The following BTAF1 variants were observed in gnomAD, a reference collection of about 807,000 sequenced individuals.
The protein encoded by BTAF1 is B-TFIID TATA-box binding protein associated factor 1.
Under a neutral mutation model 227.1 loss-of-function variants are expected in BTAF1, and 38 were observed. The ratio of observed to expected loss-of-function variants is 0.17; its 90% CI spans 0.13 to 0.22. BTAF1 has a LOEUF of 0.22. BTAF1 is among the 10% of genes least tolerant of loss of function. BTAF1 has a pLI of 1.00. For synonymous variants in BTAF1, 742 were observed against 751.9 expected (o/e 0.99, Z 0.21); for missense variants, 1,598 against 2,204.0 (o/e 0.73, Z 5.51).
intron 1 of BTAF1, among the ~76,000 whole-genome samples, chr10:91,928,802 A>G (rs1844059411): frequency 8.4e-6 from 1 of 119,186 alleles, no homozygotes; most frequent in African/African-American, 3.3e-5. Context: ...CCTGAGATGG[A>G]TTTCTTTGGC....
chr10:91,991,271 A>ATATGTATATATATATAT (rs1564699914), intron 20 of BTAF1, among the ~76,000 whole-genome samples: 7 of 66,228 alleles, frequency 1.1e-4, no homozygotes, highest in Admixed American at 2.2e-4. Context: ...TATAAATATA[A>ATATGTATATATATATAT]ATATATATAT....
chr10:91,977,570 C>CT (rs961430222), intron 14 of BTAF1, among the ~76,000 whole-genome samples: 6 of 152,194 alleles, frequency 3.9e-5, no homozygotes, highest in African/African-American at 1.4e-4. Flanking sequence ...TTTGTGTGGA[C>CT]TTTTTTGCCT....
At chr10:91,957,096 TA>T (rs751329079) in intron 7 of BTAF1, 128 bp from the exon 8 acceptor site, 8 of 579,092 alleles carry the variant, frequency 1.4e-5, no homozygotes, top group Admixed American at 3.1e-5. Context: ...CTTAATTAGT[TA>T]AAAAAATTAA....
Position 91,996,420 on chromosome 10 carries a change from G to T in BTAF1, c.3361G>T (p.Ala1121Ser). ...TATGTGCCTTCAATACCCCAGTACT[G>T]CAGTGAGGCACATGGCTGCTCGTTG... ...LYMCLQYPST[A>S]VRHMAARCVG... The change falls in exon 24 of 38, where the codon GCA (alanine) becomes TCA (serine). Residue 1121 changes from alanine (A) to serine (S), a missense_variant. Physicochemically the swap from Ala to Ser is moderately conservative, Grantham distance 99. This residue lies in a region of BTAF1 where 425 missense variants were observed against 491.2 expected (regional missense o/e 0.87). Coordinates refer to ENST00000265990, the MANE Select transcript of BTAF1 (RefSeq NM_003972.3). 1.2e-6 allele frequency: 2 copies of T among 1,614,112 alleles called. No individual in the cohort carries two copies. The highest frequency in any genetic ancestry group is 1.7e-6 in the Non-Finnish European group (2 of 1,180,030).
Position 91,992,102 on chromosome 10 carries a change from A to G in BTAF1, c.2855-17A>G, listed in dbSNP as rs371469711. On this transcript the variant is annotated splice_polypyrimidine_tract_variant and intron_variant, in intron 20 of 37. Coordinates refer to ENST00000265990, the MANE Select transcript of BTAF1 (RefSeq NM_003972.3). ...CAATATTATGATTAAAAGGTTGTTT[A>G]ACTTTTTTCTTATTAGGATCCACCT... 55 of 1,541,142 alleles carry G rather than the reference A, an allele frequency of 3.6e-5. No individual in the cohort carries two copies. The South Asian group carries it at 4.1e-4, about 12-fold the overall frequency.
chr10:91,977,109 A>G (rs1442185772), intron 14 of BTAF1, among the ~76,000 whole-genome samples: 2 of 152,160 alleles, frequency 1.3e-5, no homozygotes, highest in African/African-American at 4.8e-5. Flanking sequence ...AGAGAGCAGA[A>G]TGGCACTAAA....
At chr10:91,931,223 T>C (rs1844256171) in intron 1 of BTAF1, among the ~76,000 whole-genome samples, 2 of 152,350 alleles carry the variant, frequency 1.3e-5, no homozygotes, top group African/African-American at 4.8e-5. Flanking sequence ...TTTAGAACAG[T>C]TGCCTGAAAT....
intron 4 of BTAF1, among the ~76,000 whole-genome samples, 166 bp from the exon 5 acceptor site, chr10:91,951,237 T>C (rs1392553160): frequency 1.3e-5 from 2 of 152,206 alleles, no homozygotes; most frequent in Non-Finnish European, 2.9e-5. Flanking sequence ...TATTTTCCAA[T>C]GTGATTAGGT....
At chr10:91,979,266 G>A (rs1413364983) in intron 14 of BTAF1, among the ~76,000 whole-genome samples, 2 of 152,134 alleles carry the variant, frequency 1.3e-5, no homozygotes, top group Non-Finnish European at 2.9e-5. Flanking sequence ...CTTGTGAATA[G>A]TGTTGCAGTG....
intron 1 of BTAF1, among the ~76,000 whole-genome samples, chr10:91,927,141 ATT>A (rs60927634): frequency 7.4e-4 from 106 of 143,640 alleles, no homozygotes; most frequent in Admixed American, 5.5e-4. Flanking sequence ...TTTTTGTTTG[ATT>A]TTTTTTTTTT....
chr10:91,950,657 A>G (rs530332362), intron 4 of BTAF1, among the ~76,000 whole-genome samples: 3 of 152,080 alleles, frequency 2.0e-5, no homozygotes, highest in Non-Finnish European at 2.9e-5. Context: ...ATTATTTGGG[A>G]TATTAGGGCT....
intron 34 of BTAF1, among the ~76,000 whole-genome samples, chr10:92,021,746 G>A (rs143514527): frequency 0.014 from 2,061 of 151,894 alleles, 32 homozygotes; most frequent in African/African-American, 0.047. Flanking sequence ...GGGTTTCACC[G>A]TGTTAGCCAG....
chr10:92,016,218 A>G (rs1564720157), intron 32 of BTAF1, 122 bp from the exon 33 acceptor site: 4 of 1,175,304 alleles, frequency 3.4e-6, no homozygotes, highest in East Asian at 5.4e-5. Context: ...AGATATCACA[A>G]TTTGTTTTCA....
At chr10:91,936,112 C>T (rs1645937055) in intron 2 of BTAF1, among the ~76,000 whole-genome samples, 1 of 152,072 alleles carries the variant, frequency 6.6e-6, no homozygotes, top group Non-Finnish European at 1.5e-5. Context: ...TGGATGAGTA[C>T]TCATGGGCAA....
intron 4 of BTAF1, among the ~76,000 whole-genome samples, chr10:91,947,735 CA>C (rs34292341): frequency 1.8e-3 from 190 of 107,336 alleles, no homozygotes; most frequent in African/African-American, 5.8e-3. Flanking sequence ...TCAATGTTTG[CA>C]AAAAAAAAAA....
At chr10:91,968,684 T>G (rs879699925) in intron 14 of BTAF1, among the ~76,000 whole-genome samples, 1 of 152,222 alleles carries the variant, frequency 6.6e-6, no homozygotes, top group East Asian at 1.9e-4. Flanking sequence ...CCTATTGCTT[T>G]ACATTCTGGC....
intron 14 of BTAF1, among the ~76,000 whole-genome samples, chr10:91,972,369 C>T (rs1209498448): frequency 6.6e-6 from 1 of 152,124 alleles, no homozygotes; most frequent in Admixed American, 6.6e-5. Context: ...CCCTGCTCCC[C>T]TACCCCCACT....
chr10:92,017,344 A>C (rs1207941958), intron 33 of BTAF1, among the ~76,000 whole-genome samples: 1 of 152,204 alleles, frequency 6.6e-6, no homozygotes, highest in Non-Finnish European at 1.5e-5. Context: ...CTCAAGTCAG[A>C]TCATGCCTCA....
intron 19 of BTAF1, among the ~76,000 whole-genome samples, chr10:91,984,868 A>T (rs1848298452): frequency 3.3e-5 from 5 of 152,160 alleles, no homozygotes; most frequent in Admixed American, 3.3e-4. Flanking sequence ...TCACCTGCCT[A>T]CCTCTCTATC....
Sources: gnomAD v4.1 joint callset for allele counts (sites outside exome capture counted in the v4.1 genomes callset) on GRCh38, gnomAD v4.1.1 for gene constraint, gnomAD v4.1.1 regional missense constraint, MANE v1.5 for transcripts, NCBI Gene and HGNC (gene_info 2026-07-23, HGNC 2026-07-21) for gene names.